The following PPP4R4 variants were observed in gnomAD, a reference collection of about 807,000 sequenced individuals.
PPP4R4 encodes protein phosphatase 4 regulatory subunit 4.
PPP4R4 carries 70 observed loss-of-function variants against 121.8 expected under a neutral mutation model. The ratio of observed to expected loss-of-function variants is 0.57; its 90% CI spans 0.47 to 0.70. The LOEUF (loss-of-function observed/expected upper bound fraction) is 0.70. Ranked by LOEUF, PPP4R4 falls within the 30% of genes least tolerant of loss-of-function variation. PPP4R4 has a pLI of 0.00. For synonymous variants in PPP4R4, 348 were observed against 355.7 expected, an observed-to-expected ratio of 0.98 and a Z score of 0.24; for missense variants, 875 against 1,033.6, an observed-to-expected ratio of 0.85 and a Z score of 2.10.
At chr14:94,220,045 A>G (rs1408541283) in intron 3 of PPP4R4, among the ~76,000 whole-genome samples, 9 of 152,134 alleles carry the variant, frequency 5.9e-5, no homozygotes, top group African/African-American at 2.2e-4. Flanking sequence ...AACATGGTGA[A>G]ACCCCATCCC....
chr14:94,190,030 G>A (rs1889508302), intron 2 of PPP4R4, among the ~76,000 whole-genome samples: 1 of 147,362 alleles, frequency 6.8e-6, no homozygotes, highest in Non-Finnish European at 1.5e-5. Flanking sequence ...AGGTGCCAGG[G>A]ATTTGGCTTG....
intron 23 of PPP4R4, among the ~76,000 whole-genome samples, chr14:94,268,821 T>C (rs1462303694): frequency 1.8e-4 from 27 of 152,064 alleles, no homozygotes; most frequent in Admixed American, 1.8e-3. Context: ...CATGATTCAG[T>C]TACCTCCCAC....
intron 14 of PPP4R4, 64 bp from the exon 15 acceptor site, chr14:94,250,108 G>T (rs1595524779): frequency 2.8e-6 from 3 of 1,069,986 alleles, no homozygotes; most frequent in Non-Finnish European, 4.3e-6. Context: ...TTGATTTGGT[G>T]GGGTCAAATT....
intron 16 of PPP4R4, among the ~76,000 whole-genome samples, chr14:94,255,886 C>T (rs1893445829): frequency 6.6e-6 from 1 of 152,164 alleles, no homozygotes. Context: ...CCCTCAAAGC[C>T]TCTTATTTAC....
chr14:94,206,694 A>G (rs1466216014), intron 2 of PPP4R4, among the ~76,000 whole-genome samples: 1 of 151,764 alleles, frequency 6.6e-6, no homozygotes, highest in African/African-American at 2.4e-5. Context: ...CTATTCATTC[A>G]TGTTTTCAAG....
chr14:94,277,226 G>A (rs1304247358), intron 24 of PPP4R4, among the ~76,000 whole-genome samples: 3 of 152,148 alleles, frequency 2.0e-5, no homozygotes, highest in African/African-American at 4.8e-5. Flanking sequence ...GCTTCAACCC[G>A]GGAGGCGGAG....
At position 94,234,581 on chromosome 14, in the gene PPP4R4, C is replaced by A. The variant is rs765008035; in HGVS notation, c.643C>A (p.Pro215Thr). 1.2e-6 allele frequency: 2 copies of A among 1,600,844 alleles called. No homozygotes were observed. The highest frequency in any genetic ancestry group is 2.2e-5 in the South Asian group (2 of 90,356). The change falls in exon 7 of 25, where the codon CCT becomes ACT. Residue 215 changes from proline to threonine, a missense_variant. Pro to Thr is a conservative substitution (Grantham distance 38, BLOSUM62 -1). Transcript: ENST00000304338. Reference sequence around the variant, plus strand: ...CTTCAGCATTAAGCGAGAAATACTTCCTCTGGTAAAATCACTCTGTCAAGA... The same window carrying A: ...CTTCAGCATTAAGCGAGAAATACTTACTCTGGTAAAATCACTCTGTCAAGA... ...DAHTIKREIL[P>T]LVKSLCQDVE...
At chr14:94,221,324 A>G (rs983320234) in intron 3 of PPP4R4, among the ~76,000 whole-genome samples, 1 of 152,166 alleles carries the variant, frequency 6.6e-6, no homozygotes, top group Non-Finnish European at 1.5e-5. Flanking sequence ...AGTTTCTTAC[A>G]TATGACTCTA....
At chr14:94,270,926 A>AAAC (rs962209762) in intron 23 of PPP4R4, among the ~76,000 whole-genome samples, 3 of 150,188 alleles carry the variant, frequency 2.0e-5, no homozygotes, top group East Asian at 1.9e-4. Context: ...TCAAAAAAAA[A>AAAC]AACAACAACA....
Position 94,278,715 on chromosome 14 carries a change from C to T in PPP4R4, c.*72C>T, listed in dbSNP as rs1894776151. On this transcript the variant is annotated 3_prime_UTR_variant, in exon 25 of 25. Coordinates refer to ENST00000304338, the MANE Select transcript of PPP4R4 (RefSeq NM_058237.2). ...TGTGATTGGTACACAAAAGCTAAAG[C>T]AGTGGCTGGGGCTTTGTTTTTAAAT... 1 of 1,402,106 alleles carries T rather than the reference C, an allele frequency of 7.1e-7. No homozygotes were observed. The highest frequency in any genetic ancestry group is 9.5e-7 in the Non-Finnish European group (1 of 1,054,274). The allele number at this position is 1,402,106 out of a possible 1,614,324, so 86.9% of individuals were successfully genotyped here. A position where few individuals can be genotyped will look rare whatever the true frequency, so the allele number is the denominator to read the frequency against.
intron 23 of PPP4R4, 33 bp downstream of exon 23, chr14:94,267,062 C>G: frequency 7.1e-7 from 1 of 1,417,090 alleles, no homozygotes; most frequent in Non-Finnish European, 9.8e-7. Flanking sequence ...CAAAAAGTTG[C>G]TAAATTTAAC....
intron 1 of PPP4R4, chr14:94,175,779 T>C: frequency 2.1e-6 from 1 of 473,674 alleles, no homozygotes; most frequent in Non-Finnish European, 3.8e-6. Flanking sequence ...GCCAAGGTTC[T>C]GAAGCCACGA....
Position 94,174,489 on chromosome 14 carries a change from C to T in PPP4R4, c.24C>T (p.Ala8=), listed in dbSNP as rs1888547411. 2 of 1,606,862 alleles carry T rather than the reference C, an allele frequency of 1.2e-6. No individual in the cohort carries two copies. The highest frequency in any genetic ancestry group is 2.3e-5 in the East Asian group (1 of 44,348). MHPPPPA[A]AMDFSQNSLF... The stretch of plus-strand genomic sequence containing the variant: ...CCATGCATCCGCCGCCGCCCGCCGC[C>T]GCGATGGATTTCAGTCAGAACAGCC... The change falls in exon 1 of 25, where the codon GCC becomes GCT. Residue 8 remains alanine, a synonymous_variant. Coordinates refer to ENST00000304338, the MANE Select transcript of PPP4R4 (RefSeq NM_058237.2).
chr14:94,244,729 C>T lies in PPP4R4; in HGVS notation c.1344+17C>T. On this transcript the variant is annotated intron_variant, in intron 12 of 24. Transcript: ENST00000304338. Reference sequence around the variant, plus strand: ...TCACTGGAGGTAATATTTTCTTACTCTTTGATTTTTAATTCTTTTATGTTT... The same window carrying T: ...TCACTGGAGGTAATATTTTCTTACTTTTTGATTTTTAATTCTTTTATGTTT... The T allele has an allele frequency of 6.8e-7, 1 of 1,480,012 alleles. No homozygotes were observed. The highest frequency in any genetic ancestry group is 9.1e-7 in the Non-Finnish European group (1 of 1,100,842). The allele number at this position is 1,480,012 out of a possible 1,614,324, so 91.7% of individuals were successfully genotyped here. A position where few individuals can be genotyped will look rare whatever the true frequency, so the allele number is the denominator to read the frequency against.
chr14:94,197,548 T>A (rs1889948963), intron 2 of PPP4R4, among the ~76,000 whole-genome samples: 1 of 152,194 alleles, frequency 6.6e-6, no homozygotes, highest in Non-Finnish European at 1.5e-5. Context: ...TATACTTTAT[T>A]TTGCACCAGT....
rs10148534 is a variant in PPP4R4, at chr14:94,216,253, A to G, written c.294+7687A>G. ...GGTTATCCACAAAATCCACACAGTCATAACTTCTTGAGCACATCAGAGTTG... is the reference window on the plus strand; with the variant it reads ...GGTTATCCACAAAATCCACACAGTCGTAACTTCTTGAGCACATCAGAGTTG... On this transcript the variant is annotated intron_variant, in intron 3 of 24. Coordinates refer to ENST00000304338, the MANE Select transcript of PPP4R4 (RefSeq NM_058237.2). Among the ~76,000 whole-genome samples, 843 of 152,338 alleles carry G rather than the reference A, an allele frequency of 5.5e-3. 12 individuals are homozygous for G. The highest frequency in any genetic ancestry group is 0.019 in the African/African-American group (803 of 41,574).
At chr14:94,189,694 A>G (rs1209323190) in intron 2 of PPP4R4, among the ~76,000 whole-genome samples, 3 of 152,198 alleles carry the variant, frequency 2.0e-5, no homozygotes, top group East Asian at 3.9e-4. Flanking sequence ...TGGCTTTTCA[A>G]ACTCAATGTG....
intron 3 of PPP4R4, among the ~76,000 whole-genome samples, chr14:94,226,863 C>T (rs1277410396): frequency 6.6e-6 from 1 of 152,114 alleles, no homozygotes; most frequent in Non-Finnish European, 1.5e-5. Context: ...AGATTCTTTT[C>T]AGAATTTGTG....
At chr14:94,267,484 T>C (rs746171727) in intron 23 of PPP4R4, among the ~76,000 whole-genome samples, 8 of 152,166 alleles carry the variant, frequency 5.3e-5, no homozygotes, top group Admixed American at 6.5e-5. Context: ...GTTGGCCAAA[T>C]TGAACTCTGC....
Sources: gnomAD v4.1 joint callset for allele counts (sites outside exome capture counted in the v4.1 genomes callset) on GRCh38, gnomAD v4.1.1 for gene constraint, MANE v1.5 for transcripts, NCBI Gene and HGNC (gene_info 2026-07-23, HGNC 2026-07-21) for gene names.